Variants in MSH3 observed in about 807,000 individuals in gnomAD.
MSH3 encodes the protein DNA mismatch repair protein Msh3.
Under a neutral mutation model 123.3 loss-of-function variants are expected in MSH3, and 106 were observed. That is an observed-to-expected ratio of 0.86 (90% CI 0.73 to 1.01). MSH3 has a LOEUF of 1.01. MSH3 is among the 50% of genes least tolerant of loss of function. The pLI is 0.00. For synonymous variants in MSH3, 515 were observed against 481.4 expected, an observed-to-expected ratio of 1.07 and a Z score of -0.91; for missense variants, 1,459 against 1,347.6, an observed-to-expected ratio of 1.08 and a Z score of -1.29.
intron 20 of MSH3, among the ~76,000 whole-genome samples, chr5:80,827,292 G>A (rs1266183890): frequency 6.6e-6 from 1 of 152,194 alleles, no homozygotes; most frequent in Non-Finnish European, 1.5e-5. Flanking sequence ...CAATTTTCAT[G>A]CCATGCTACT....
At chr5:80,707,792 C>T (rs1024302969) in intron 8 of MSH3, among the ~76,000 whole-genome samples, 1 of 152,190 alleles carries the variant, frequency 6.6e-6, no homozygotes, top group Non-Finnish European at 1.5e-5. Flanking sequence ...TTAATTTACC[C>T]TCCTCTCAGC....
At chr5:80,856,707 TAAAAA>T (rs1028678802) in intron 21 of MSH3, among the ~76,000 whole-genome samples, 1 of 151,628 alleles carries the variant, frequency 6.6e-6, no homozygotes, top group Non-Finnish European at 1.5e-5. Flanking sequence ...ATAATAATAA[TAAAAA>T]AAAGAAACTA....
chr5:80,661,306 T>C (rs1650684), intron 2 of MSH3, among the ~76,000 whole-genome samples: 2 of 152,126 alleles, frequency 1.3e-5, no homozygotes, highest in African/African-American at 2.4e-5. Flanking sequence ...TGGTGTTATC[T>C]GTTAAGTCAT....
At chr5:80,743,606 A>G in intron 11 of MSH3, among the ~76,000 whole-genome samples, 1 of 9,130 alleles carries the variant, frequency 1.1e-4, no homozygotes, top group Non-Finnish European at 2.1e-4. Context: ...GCACTTTGGG[A>G]GGCCGAGGCG....
intron 8 of MSH3, among the ~76,000 whole-genome samples, chr5:80,719,556 A>C (rs1751037867): frequency 6.6e-6 from 1 of 152,230 alleles, no homozygotes; most frequent in African/African-American, 2.4e-5. Context: ...TGATTTTATC[A>C]TTCAAATATC....
Position 80,876,003 on chromosome 5 carries a change from G to A in MSH3, c.*141G>A, listed in dbSNP as rs1746303117. 6 of 647,090 alleles carry A rather than the reference G, an allele frequency of 9.3e-6. No individual in the cohort carries two copies. The highest frequency in any genetic ancestry group is 5.6e-5 in the South Asian group (3 of 53,836). The allele number at this position is 647,090 out of a possible 1,614,324, so 40.1% of individuals were successfully genotyped here. On this transcript the variant is annotated 3_prime_UTR_variant, in exon 24 of 24. Transcript: ENST00000265081. ...GGTATATTCCTATTGGAAACAGAGAGGTTTTTCTGAAGACAGTCTTTTTCA... is the reference window on the plus strand; with the variant it reads ...GGTATATTCCTATTGGAAACAGAGAAGTTTTTCTGAAGACAGTCTTTTTCA...
chr5:80,799,802 A>G (rs1332581191), intron 19 of MSH3, among the ~76,000 whole-genome samples: 1 of 152,100 alleles, frequency 6.6e-6, no homozygotes, highest in East Asian at 1.9e-4. Context: ...TGGGAAAGAT[A>G]TTTAGCTTTA....
rs527242125 is a variant in MSH3 at position 80,717,739 on chromosome 5, G to T, written c.1341-7714G>T. Among the ~76,000 whole-genome samples the T allele has an allele frequency of 7.0e-4, 106 of 152,018 alleles. 1 individual carries two copies. The highest frequency in any genetic ancestry group is 2.4e-3 in the African/African-American group (101 of 41,486). On this transcript the variant is annotated intron_variant, in intron 8 of 23. Transcript: ENST00000265081. ...AAATATGTCATTGTGGTTTTGATTT[G>T]TATTTTCCTGATGATTAATGAGAGC...
At chr5:80,832,604 G>A (rs907635982) in intron 20 of MSH3, among the ~76,000 whole-genome samples, 3 of 150,178 alleles carry the variant, frequency 2.0e-5, no homozygotes, top group African/African-American at 7.3e-5. Flanking sequence ...CGGTGACAGA[G>A]TAAGACTCCA....
At chr5:80,658,481 GAC>G (rs775999463) in intron 2 of MSH3, among the ~76,000 whole-genome samples, 3 of 152,182 alleles carry the variant, frequency 2.0e-5, no homozygotes, top group Non-Finnish European at 4.4e-5. Context: ...GTTGAAATAA[GAC>G]AACACACTTG....
chr5:80,868,662 T>C (rs1484195943), intron 22 of MSH3, among the ~76,000 whole-genome samples: 2 of 147,104 alleles, frequency 1.4e-5, no homozygotes, highest in African/African-American at 2.5e-5. Flanking sequence ...GAATAACTAA[T>C]GGATACAAGG....
At position 80,670,310 on chromosome 5, in the gene MSH3, G is replaced by GT. The variant is rs1305598394; in HGVS notation, c.792+2dup. On this transcript the variant is annotated splice_donor_variant, in intron 4 of 23. Transcript: ENST00000265081. LOFTEE classifies it high-confidence loss of function. ...TAGATTCTTTGGGGAAGATGCAGAG[G>GT]TAAGTCGTCTTTTCAGGCACTATTT... 1 of 1,613,654 alleles carries GT rather than the reference G, an allele frequency of 6.2e-7. No individual in the cohort carries two copies. Among genetic ancestry groups the GT allele is most frequent in the Non-Finnish European group, 8.5e-7 (1 of 1,179,744 alleles).
At chr5:80,853,237 C>G (rs1339059872) in intron 20 of MSH3, among the ~76,000 whole-genome samples, 1 of 152,078 alleles carries the variant, frequency 6.6e-6, no homozygotes, top group Non-Finnish European at 1.5e-5. Flanking sequence ...TTAGGGAGGC[C>G]AAGGCAGGCA....
Position 80,768,001 on chromosome 5 carries a change from A to C in MSH3, c.1965A>C (p.Ile655=), listed in dbSNP as rs1744151242. 1.2e-6 allele frequency: 2 copies of C among 1,613,596 alleles called. No homozygotes were observed. The highest frequency in any genetic ancestry group is 4.5e-5 in the East Asian group (2 of 44,838). The change falls in exon 14 of 24, where the codon ATA becomes ATC. Residue 655 remains isoleucine (I), a synonymous_variant. Transcript: ENST00000265081. ...LYHLKSEFQA[I]IPAVNSHIQS... ...ACCTAAAGTCAGAATTTCAAGCAAT[A>C]ATACCTGCTGTTAATTCCCACATTC... is the stretch of plus-strand genomic sequence containing the variant.
At chr5:80,733,773 T>C (rs1377493801) in intron 10 of MSH3, among the ~76,000 whole-genome samples, 2 of 152,032 alleles carry the variant, frequency 1.3e-5, no homozygotes, top group African/African-American at 4.8e-5. Context: ...CACAGTTAGA[T>C]AACACTTCAT....
At chr5:80,763,392 CTATTGCATCA>C (rs1744075155) in intron 13 of MSH3, among the ~76,000 whole-genome samples, 2 of 152,172 alleles carry the variant, frequency 1.3e-5, no homozygotes, top group South Asian at 4.1e-4. Flanking sequence ...GCCGGGGAGC[CTATTGCATCA>C]TTATTGGGTA....
chr5:80,842,853 G>A (rs1279233850), intron 20 of MSH3, among the ~76,000 whole-genome samples: 1 of 152,118 alleles, frequency 6.6e-6, no homozygotes, highest in Non-Finnish European at 1.5e-5. Context: ...TCTGCAAACA[G>A]GGACAATTTG....
intron 8 of MSH3, among the ~76,000 whole-genome samples, chr5:80,689,595 T>C (rs1025068635): frequency 6.6e-5 from 10 of 152,004 alleles, no homozygotes; most frequent in African/African-American, 9.7e-5. Context: ...TTAAAGTAAA[T>C]GTATGAAACA....
At chr5:80,806,360 G>A (rs1744891758) in intron 19 of MSH3, among the ~76,000 whole-genome samples, 1 of 152,122 alleles carries the variant, frequency 6.6e-6, no homozygotes, top group Non-Finnish European at 1.5e-5. Context: ...GCCTCCCAAA[G>A]TGCTGGGATT....
Sources: allele counts gnomAD v4.1 joint callset (sites outside exome capture counted in the v4.1 genomes callset), GRCh38; gene constraint gnomAD v4.1.1; transcripts MANE v1.5; gene names NCBI Gene and HGNC (gene_info 2026-07-23, HGNC 2026-07-21).